Variants in PXDN observed in about 807,000 individuals in gnomAD.
The protein encoded by PXDN is peroxidasin.
Under a neutral mutation model 140.3 loss-of-function variants are expected in PXDN, and 77 were observed. That is an observed-to-expected ratio of 0.55 (90% CI 0.46 to 0.66). PXDN has a LOEUF of 0.66. Among genes scored for constraint, PXDN ranks in the 30% least tolerant of loss-of-function variants. The probability of loss-of-function intolerance (pLI) is 0.00; values close to 1 mark genes in which losing one functional copy is unlikely to be tolerated. For missense variants in PXDN, 1,838 were observed against 2,039.5 expected (o/e 0.90, Z 1.90); for synonymous variants, 911 against 857.4 (o/e 1.06, Z -1.09).
At chr2:1,693,667 A>G (rs1351623348) in intron 1 of PXDN, among the ~76,000 whole-genome samples, 6 of 152,250 alleles carry the variant, frequency 3.9e-5, no homozygotes, top group African/African-American at 1.4e-4. Flanking sequence ...TTTCTCACAT[A>G]TGGGTTTTAC....
chr2:1,705,502 C>T (rs995386689), intron 1 of PXDN, among the ~76,000 whole-genome samples: 2 of 147,968 alleles, frequency 1.4e-5, no homozygotes, highest in Non-Finnish European at 1.5e-5. Context: ...GGTGCGGCTC[C>T]CCACGACCTG....
chr2:1,639,358 C>T lies in PXDN; in HGVS notation c.4017G>A (p.Glu1339=). 3 of 1,614,026 alleles carry T rather than the reference C, an allele frequency of 1.9e-6. No homozygotes were observed. Among genetic ancestry groups the T allele is most frequent in the Non-Finnish European group, 2.5e-6 (3 of 1,179,886 alleles). The stretch of plus-strand genomic sequence containing the variant: ...TCGGCTTGTCCTCCTGGTAGCTGAA[C>T]TCAAGAGACCGTCTGCCTCGGAAAT... The part of the protein sequence containing the change: ...SYHFRGRRSL[E]FSYQEDKPTK... Residue 1339 remains glutamate, a synonymous_variant, in exon 20 of 23, where the codon GAG becomes GAA. Coordinates refer to ENST00000252804, the MANE Select transcript of PXDN (RefSeq NM_012293.3). The surrounding 1 kb of genome is among the most constrained non-coding windows in gnomAD (Gnocchi z 5.0).
chr2:1,713,506 G>T (rs1246748603), intron 1 of PXDN, among the ~76,000 whole-genome samples: 1 of 152,200 alleles, frequency 6.6e-6, no homozygotes, highest in Non-Finnish European at 1.5e-5. Context: ...GGCTGGGGAG[G>T]AGTAGAAGGG....
In PXDN at chr2:1,699,285, C is replaced by T. The variant is rs112129593; in HGVS notation, c.201-6151G>A. Reference sequence around the variant, plus strand: ...TGCCAAAGTTATGAATTCTAAAAAGCGGTCACTAAAGATTATGTTATAAAG... The same window carrying T: ...TGCCAAAGTTATGAATTCTAAAAAGTGGTCACTAAAGATTATGTTATAAAG... On this transcript the variant is annotated intron_variant, in intron 1 of 22. Transcript: ENST00000252804. Among the ~76,000 whole-genome samples the T allele has an allele frequency of 5.8e-3, 880 of 152,242 alleles. 5 individuals are homozygous for T. Among genetic ancestry groups the T allele is most frequent in the Non-Finnish European group, 8.4e-3 (572 of 68,030 alleles).
intron 1 of PXDN, among the ~76,000 whole-genome samples, chr2:1,736,764 G>A (rs537703720): frequency 3.5e-4 from 53 of 152,190 alleles, no homozygotes; most frequent in Non-Finnish European, 6.3e-4. Flanking sequence ...TAAGGCAGGA[G>A]GATTACTTGC....
At chr2:1,674,334 G>C (rs1278115908) in intron 8 of PXDN, among the ~76,000 whole-genome samples, 1 of 152,156 alleles carries the variant, frequency 6.6e-6, no homozygotes, top group African/African-American at 2.4e-5. Context: ...CTCGGGCTCC[G>C]AAAGTGCTGG....
chr2:1,704,825 T>C (rs1197150701), intron 1 of PXDN, among the ~76,000 whole-genome samples: 1 of 152,124 alleles, frequency 6.6e-6, no homozygotes, highest in East Asian at 1.9e-4. Context: ...GGGAGGCAGC[T>C]TTGCCTTGAG....
chr2:1,682,729 C>T (rs1683936606), intron 6 of PXDN, among the ~76,000 whole-genome samples: 5 of 152,230 alleles, frequency 3.3e-5, no homozygotes, highest in African/African-American at 1.2e-4. Context: ...CACCTGAGGT[C>T]AGGAGTTCAA....
chr2:1,639,042 T>C lies in PXDN; in HGVS notation c.4074-64A>G. The C allele has an allele frequency of 2.1e-6, 1 of 476,892 alleles. No individual in the cohort carries two copies. Among genetic ancestry groups the C allele is most frequent in the Non-Finnish European group, 2.5e-6 (1 of 394,236 alleles). The allele number at this position is 476,892 out of a possible 1,614,324, so 29.5% of individuals were successfully genotyped here. On this transcript the variant is annotated intron_variant, in intron 20 of 22. Coordinates refer to ENST00000252804, the MANE Select transcript of PXDN (RefSeq NM_012293.3). This position sits in a 1 kb window ranked among gnomAD's most constrained non-coding sequence, Gnocchi z 5.0. ...TTGGCAGGTCACGCCGGGTCTCATT[T>C]CAAGGTTTCCTGGGTGTGCACCGCC...
At chr2:1,692,664 A>T (rs1658026306) in intron 2 of PXDN, 1 of 468,254 alleles carries the variant, frequency 2.1e-6, no homozygotes, top group Non-Finnish European at 4.4e-6. Flanking sequence ...GACTGCCTTG[A>T]ACCCTCACTT....
In PXDN at chr2:1,638,963, C is replaced by T; in HGVS notation, c.4089G>A (p.Gly1363=). 1 of 1,613,986 alleles carries T rather than the reference C, an allele frequency of 6.2e-7. No individual in the cohort carries two copies. Among genetic ancestry groups the T allele is most frequent in the South Asian group, 1.1e-5 (1 of 91,076 alleles). The change falls in exon 21 of 23, where the codon GGG becomes GGA. Residue 1363 remains glycine (G), a synonymous_variant. Transcript: ENST00000252804. ...CTGAGGTGCTGTTGCTGAGATGTTC[C>T]CCCTGTCTCCCAACACTGTGGTGAG... ...PRKIPSVGRQ[G]EHLSNSTSAF... is the part of the protein sequence containing the mutation.
chr2:1,677,596 A>G (rs116015386), intron 7 of PXDN, among the ~76,000 whole-genome samples: 1,599 of 152,192 alleles, frequency 0.011, 29 homozygotes, highest in African/African-American at 0.037. Context: ...GTGACTCCAC[A>G]TGGCTTCCGA....
chr2:1,744,726 T>C, upstream of PXDN: 3 of 289,362 alleles, frequency 1.0e-5, no homozygotes, highest in South Asian at 1.6e-4. Flanking sequence ...GAGGAGAGCA[T>C]TGGCACCCCT....
Position 1,684,170 on chromosome 2 carries a change from A to G in PXDN, c.417-19T>C. 1 of 1,542,732 alleles carries G rather than the reference A, an allele frequency of 6.5e-7. No individual in the cohort carries two copies. The highest frequency in any genetic ancestry group is 8.8e-7 in the Non-Finnish European group (1 of 1,138,956). On this transcript the variant is annotated intron_variant, in intron 4 of 22. Transcript: ENST00000252804. ...CAGGTATCTAGAGGAGTTAAAAGAA[A>G]AAAAAGTATAACTTACAATTTATTT...
chr2:1,648,611 T>C lies in PXDN; in HGVS notation c.3169A>G (p.Ile1057Val), dbSNP rs771386928. The C allele has an allele frequency of 6.2e-6, 10 of 1,613,122 alleles. No individual in the cohort carries two copies. In the Admixed American group the frequency reaches 8.3e-5, roughly 13 times the overall value. ...LGEYHGYDPG[I>V]NAGIFNAFAT... The stretch of plus-strand genomic sequence containing the variant: ...AAGGCGTTGAAGATGCCAGCATTGA[T>C]GCCGGGGTCGTAGCCGTGGTACTCT... The change falls in exon 17 of 23, where the codon ATC becomes GTC. Residue 1057 changes from isoleucine (I) to valine (V), a missense_variant. By Grantham distance (29) the Ile-to-Val change is conservative. Transcript: ENST00000252804. This position sits in a 1 kb window ranked among gnomAD's most constrained non-coding sequence, Gnocchi z 8.9.
chr2:1,667,610 G>C (rs112472897), intron 9 of PXDN, among the ~76,000 whole-genome samples: 2,032 of 152,060 alleles, frequency 0.013, 55 homozygotes, highest in African/African-American at 0.046. Context: ...AGAGTCTCAG[G>C]GCACAAAATC....
At position 1,687,251 on chromosome 2, in the gene PXDN, G is replaced by A. The variant is rs79309938; in HGVS notation, c.416+381C>T. On this transcript the variant is annotated intron_variant, in intron 4 of 22. Transcript: ENST00000252804. The surrounding 1 kb of genome is among the most constrained non-coding windows in gnomAD (Gnocchi z 4.0). ...CGAGGCAAAGAGCCCTCTCCTCCCCGGGCACCCTGGATATTTCCCCTGTGA... is the reference window on the plus strand; with the variant it reads ...CGAGGCAAAGAGCCCTCTCCTCCCCAGGCACCCTGGATATTTCCCCTGTGA... Among the ~76,000 whole-genome samples, 315 of 152,228 alleles carry A rather than the reference G, an allele frequency of 2.1e-3. 1 individual carries two copies. The highest frequency in any genetic ancestry group is 7.2e-3 in the African/African-American group (299 of 41,536).
chr2:1,649,182 G>A lies in PXDN; in HGVS notation c.2598C>T (p.Asp866=), dbSNP rs1682946402. 6.4e-7 allele frequency: 1 copy of A among 1,563,460 alleles called. No homozygotes were observed. The highest frequency in any genetic ancestry group is 8.7e-7 in the Non-Finnish European group (1 of 1,151,058). Residue 866 remains aspartate (D), a synonymous_variant, in exon 17 of 23, where the codon GAC becomes GAT. Transcript: ENST00000252804. The surrounding 1 kb of genome is among the most constrained non-coding windows in gnomAD (Gnocchi z 7.1). The part of the protein sequence containing the change: ...PCFSVMIPPN[D]SRARSGARCM... The stretch of plus-strand genomic sequence containing the variant: ...AGCGGGCCCCGCTCCTGGCCCGGGA[G>A]TCATTGGGGGGGATCATGACAGAGA...
intron 4 of PXDN, among the ~76,000 whole-genome samples, chr2:1,684,890 C>G (rs1414387965): frequency 6.6e-6 from 1 of 152,214 alleles, no homozygotes; most frequent in Non-Finnish European, 1.5e-5. Flanking sequence ...AGTCTTCTCC[C>G]TGGGGTGCTC....
Sources: gnomAD v4.1 joint callset for allele counts (sites outside exome capture counted in the v4.1 genomes callset) on GRCh38, gnomAD v4.1.1 for gene constraint, Gnocchi (gnomAD v3.1) non-coding constraint, MANE v1.5 for transcripts, NCBI Gene and HGNC (gene_info 2026-07-23, HGNC 2026-07-21) for gene names.